Variants in CADM2 observed in about 807,000 individuals in gnomAD.
CADM2 encodes immunoglobulin superfamily member 4D.
A neutral mutation model predicts 49.8 loss-of-function variants in CADM2; 12 were observed. The observed-to-expected ratio is 0.24, with a 90% CI of 0.15 to 0.39. CADM2 has a LOEUF of 0.39. Ranked by LOEUF, CADM2 falls within the 10% of genes least tolerant of loss-of-function variation. The pLI is 1.00. For synonymous variants in CADM2, 214 were observed against 175.4 expected, an observed-to-expected ratio of 1.22 and a Z score of -1.74; for missense variants, 378 against 492.3, an observed-to-expected ratio of 0.77 and a Z score of 2.20.
intron 8 of CADM2, chr3:86,013,454 G>T: frequency 1.3e-6 from 2 of 1,588,228 alleles, no homozygotes; most frequent in Non-Finnish European, 1.7e-6. Flanking sequence ...AAGCACTGCT[G>T]GAGTGCCAGA....
intron 8 of CADM2, among the ~76,000 whole-genome samples, chr3:85,983,817 ATC>A (rs1459400012): frequency 2.8e-5 from 4 of 144,260 alleles, no homozygotes; most frequent in African/African-American, 5.0e-5. Context: ...CTATCTATCT[ATC>A]TTTCATCTAT....
intron 1 of CADM2, among the ~76,000 whole-genome samples, chr3:85,031,799 C>T (rs2035001203): frequency 6.6e-6 from 1 of 152,156 alleles, no homozygotes; most frequent in East Asian, 1.9e-4. Flanking sequence ...GGATTACAGA[C>T]GTGAGCCACC....
At chr3:85,945,245 G>T (rs1722511884) in intron 7 of CADM2, among the ~76,000 whole-genome samples, 1 of 152,030 alleles carries the variant, frequency 6.6e-6, no homozygotes, top group Non-Finnish European at 1.5e-5. Flanking sequence ...TTGAATCTCT[G>T]AATAGACCAA....
intron 1 of CADM2, among the ~76,000 whole-genome samples, chr3:85,097,198 G>A (rs947480841): frequency 6.6e-6 from 1 of 152,012 alleles, no homozygotes; most frequent in Non-Finnish European, 1.5e-5. Flanking sequence ...CCTTTCCTGT[G>A]TCCATGTGTT....
intron 1 of CADM2, among the ~76,000 whole-genome samples, chr3:85,135,076 G>C (rs1306312945): frequency 6.6e-6 from 1 of 151,782 alleles, no homozygotes; most frequent in Non-Finnish European, 1.5e-5. Flanking sequence ...TTATTCATAA[G>C]TAAATATAAA....
At chr3:85,563,988 A>G (rs1040455625) in intron 1 of CADM2, among the ~76,000 whole-genome samples, 1 of 152,102 alleles carries the variant, frequency 6.6e-6, no homozygotes, top group African/African-American at 2.4e-5. Flanking sequence ...TCCTTTCCTG[A>G]ATACCTTTAG....
At chr3:85,714,786 C>T (rs1577145690) in intron 1 of CADM2, among the ~76,000 whole-genome samples, 1 of 152,012 alleles carries the variant, frequency 6.6e-6, no homozygotes, top group South Asian at 2.1e-4. Context: ...TCCTTTTACT[C>T]CCCTCGTTAA....
intron 2 of CADM2, among the ~76,000 whole-genome samples, chr3:85,773,185 A>G (rs1230489876): frequency 6.6e-6 from 1 of 152,056 alleles, no homozygotes; most frequent in African/African-American, 2.4e-5. Flanking sequence ...GACCTGTCAA[A>G]ATGTCATAGT....
chr3:85,462,750 G>T (rs945060706), intron 1 of CADM2, among the ~76,000 whole-genome samples: 1 of 152,048 alleles, frequency 6.6e-6, no homozygotes. Flanking sequence ...AAAAATAAAA[G>T]ATTCAAAAAG....
At chr3:85,156,143 T>C (rs1305713651) in intron 1 of CADM2, among the ~76,000 whole-genome samples, 1 of 151,406 alleles carries the variant, frequency 6.6e-6, no homozygotes, top group African/African-American at 2.4e-5. Context: ...CTGAAGGAAA[T>C]AGAGACACAA....
chr3:85,855,213 A>G (rs978439958), intron 3 of CADM2, among the ~76,000 whole-genome samples: 3 of 152,092 alleles, frequency 2.0e-5, no homozygotes, highest in Admixed American at 2.0e-4. Flanking sequence ...TGAGCAAGAA[A>G]CACCCTCACT....
At chr3:86,054,656 C>T (rs1737711673) in intron 8 of CADM2, among the ~76,000 whole-genome samples, 1 of 151,818 alleles carries the variant, frequency 6.6e-6, no homozygotes, top group Non-Finnish European at 1.5e-5. Context: ...TTCTTCTATA[C>T]TATTTTTGTT....
chr3:85,797,611 A>T (rs2071705673), intron 2 of CADM2, among the ~76,000 whole-genome samples: 1 of 152,186 alleles, frequency 6.6e-6, no homozygotes, highest in Non-Finnish European at 1.5e-5. Context: ...ATGGCTGCAT[A>T]GTATTCCATG....
At chr3:85,181,365 C>T (rs2040929425) in intron 1 of CADM2, among the ~76,000 whole-genome samples, 2 of 151,992 alleles carry the variant, frequency 1.3e-5, no homozygotes, top group Admixed American at 6.6e-5. Flanking sequence ...ATGCCATCCT[C>T]ATGTTGGGGA....
chr3:85,401,439 T>G (rs2107440210), intron 1 of CADM2, among the ~76,000 whole-genome samples: 1 of 152,162 alleles, frequency 6.6e-6, no homozygotes, highest in South Asian at 2.1e-4. Context: ...GATGGCTTGG[T>G]GGGTGGGAGA....
intron 1 of CADM2, among the ~76,000 whole-genome samples, chr3:85,090,836 C>G (rs1477718250): frequency 1.3e-5 from 2 of 152,168 alleles, no homozygotes; most frequent in African/African-American, 2.4e-5. Flanking sequence ...TCACTAATGC[C>G]TGATGATCTG....
chr3:85,971,250 A>G (rs1057106268), intron 8 of CADM2, among the ~76,000 whole-genome samples: 1 of 151,600 alleles, frequency 6.6e-6, no homozygotes, highest in African/African-American at 2.4e-5. Flanking sequence ...GTCATGTGCA[A>G]ACGTTTTTTC....
chr3:86,017,642 T>C (rs952331999), intron 8 of CADM2, among the ~76,000 whole-genome samples: 1 of 150,422 alleles, frequency 6.6e-6, no homozygotes, highest in African/African-American at 2.4e-5. Context: ...GGTAGGAAAG[T>C]CACTTAAACC....
intron 8 of CADM2, among the ~76,000 whole-genome samples, chr3:86,034,973 C>T (rs530242458): frequency 6.6e-6 from 1 of 152,112 alleles, no homozygotes; most frequent in South Asian, 2.1e-4. Context: ...ACTTCAAAAG[C>T]CTCCTGAATG....
Sources: gnomAD v4.1 joint callset for allele counts (sites outside exome capture counted in the v4.1 genomes callset) on GRCh38, gnomAD v4.1.1 for gene constraint, MANE v1.5 for transcripts, NCBI Gene and HGNC (gene_info 2026-07-23, HGNC 2026-07-21) for gene names.